ACBD5: variants seen among roughly 807,000 people sequenced by gnomAD.
ACBD5 encodes the protein acyl-CoA-binding domain-containing protein 5.
In ACBD5, 40 loss-of-function variants were observed where a neutral mutation model predicts 71.8. The observed-to-expected ratio is 0.56, with a 90% CI of 0.43 to 0.72. The LOEUF is 0.72. ACBD5 is among the 30% of genes least tolerant of loss of function. The probability of loss-of-function intolerance (pLI) is 0.00; values close to 1 mark genes in which losing one functional copy is unlikely to be tolerated. For missense variants in ACBD5, 559 were observed against 644.5 expected (o/e 0.87, Z 1.44); for synonymous variants, 229 against 218.6 (o/e 1.05, Z -0.42).
intron 4 of ACBD5, among the ~76,000 whole-genome samples, chr10:27,224,054 C>T (rs2062698920): frequency 6.6e-6 from 1 of 151,672 alleles, no homozygotes; most frequent in South Asian, 2.1e-4. Context: ...TATACAATAA[C>T]TTATAAATTG....
At chr10:27,231,416 C>T (rs1256593568) in intron 4 of ACBD5, among the ~76,000 whole-genome samples, 3 of 152,156 alleles carry the variant, frequency 2.0e-5, no homozygotes, top group African/African-American at 4.8e-5. Context: ...ACTCGGGAGG[C>T]TGTGGCAGGA....
chr10:27,240,974 C>G (rs1369990505), upstream of ACBD5: 1 of 588,668 alleles, frequency 1.7e-6, no homozygotes, highest in Non-Finnish European at 3.0e-6. The surrounding 1 kb of genome is among the most constrained non-coding windows in gnomAD (Gnocchi z 4.1). Flanking sequence ...AAGGGGGCCA[C>G]AGTCCCGGCT....
chr10:27,219,597 T>G (rs117437717), intron 6 of ACBD5, 126 bp downstream of exon 6: 1 of 1,323,576 alleles, frequency 7.6e-7, no homozygotes, highest in Non-Finnish European at 1.1e-6. Flanking sequence ...CAAACTTGTT[T>G]ATAAGGTCAA....
At chr10:27,199,515 A>G (rs547903559) in intron 12 of ACBD5, among the ~76,000 whole-genome samples, 1 of 152,176 alleles carries the variant, frequency 6.6e-6, no homozygotes, top group Non-Finnish European at 1.5e-5. Context: ...AGTCACAGGA[A>G]ACAACAGATA....
rs138431023 is a variant in ACBD5, at chr10:27,185,005, A to G, written c.1494-2290T>C. On this transcript the variant is annotated intron_variant, in intron 13 of 13. Coordinates refer to the ACBD5 transcript ENST00000676511. ...AGAGCTTCCAATGTAGCCATAAGCT[A>G]GAAGTCAATATGTTGTAGAGATGCA... Among the ~76,000 whole-genome samples, 549 of 152,348 alleles carry G rather than the reference A, an allele frequency of 3.6e-3. 4 individuals are homozygous for G. Among genetic ancestry groups the G allele is most frequent in the South Asian group, 0.024 (114 of 4,830 alleles).
At chr10:27,203,984 C>A (rs1311229821) in intron 12 of ACBD5, among the ~76,000 whole-genome samples, 1 of 151,110 alleles carries the variant, frequency 6.6e-6, no homozygotes, top group Non-Finnish European at 1.5e-5. Context: ...GCATATAAAC[C>A]GCACCCAGTG....
rs1036802845 is a variant in ACBD5, at chr10:27,223,083, T to C, written c.490+255A>G. The stretch of plus-strand genomic sequence containing the variant: ...GGGTTTATAATGTTTTGGAACTTCA[T>C]ATAATGTGTTTGCCTGGAATGAAAA... On this transcript the variant is annotated intron_variant, in intron 5 of 12. Transcript: ENST00000396271. 9.0e-6 allele frequency: 6 copies of C among 667,692 alleles called. No individual in the cohort carries two copies. The African/African-American group carries it at 9.1e-5, about 10-fold the overall frequency. 41.4% of individuals were successfully genotyped at this position (667,692 alleles called of 1,614,324 possible).
chr10:27,225,234 C>T (rs985020710), intron 4 of ACBD5, among the ~76,000 whole-genome samples: 3 of 152,070 alleles, frequency 2.0e-5, no homozygotes, highest in Admixed American at 6.6e-5. Flanking sequence ...TTGCCCACCT[C>T]GGCCTCCCAA....
chr10:27,197,467 T>C (rs2059470744), intron 12 of ACBD5, 25 bp from the exon 13 acceptor site: 1 of 1,581,530 alleles, frequency 6.3e-7, no homozygotes, highest in Non-Finnish European at 8.7e-7. Flanking sequence ...TAAAAACCAA[T>C]TTCCTGTGAG....
At chr10:27,199,196 C>CTTTTTT (rs370902574) in intron 12 of ACBD5, among the ~76,000 whole-genome samples, 1 of 146,612 alleles carries the variant, frequency 6.8e-6, no homozygotes. Context: ...ATCTTTTTTT[C>CTTTTTT]TTTTTTTTTT....
At chr10:27,233,366 C>T (rs1203823129) in intron 3 of ACBD5, among the ~76,000 whole-genome samples, 1 of 149,294 alleles carries the variant, frequency 6.7e-6, no homozygotes, top group Non-Finnish European at 1.5e-5. Context: ...GGCGGAGATT[C>T]AGTGAGCCAA....
chr10:27,216,365 TTC>T (rs2061629640), intron 7 of ACBD5, among the ~76,000 whole-genome samples: 1 of 152,210 alleles, frequency 6.6e-6, no homozygotes, highest in Non-Finnish European at 1.5e-5. Context: ...GGTCTCGAAC[TTC>T]TGACCTCAGG....
intron 7 of ACBD5, among the ~76,000 whole-genome samples, chr10:27,217,145 CAAAAAAAAA>C (rs375519969): frequency 1.2e-5 from 1 of 83,236 alleles, no homozygotes; most frequent in African/African-American, 5.3e-5. Flanking sequence ...GACTCTGTCT[CAAAAAAAAA>C]AAAAAAAAAG....
In ACBD5 at chr10:27,219,841, G is replaced by A; in HGVS notation, c.507C>T (p.Leu169=). The A allele has an allele frequency of 6.2e-7, 1 of 1,613,898 alleles. No homozygotes were observed. Among genetic ancestry groups the A allele is most frequent in the Non-Finnish European group, 8.5e-7 (1 of 1,179,946 alleles). The change falls in exon 6 of 13, where the codon CTC becomes CTT. Residue 169 remains leucine, a synonymous_variant. Transcript: ENST00000396271. ...CGGTTTTGGCGTTTGGAGTAGAAGT[G>A]AGAACATTACCAAGATCTAAAACAT... ...SDITSDLGNV[L]TSTPNAKTVN... is the part of the protein sequence containing the mutation.
At chr10:27,226,626 G>A (rs150334803) in intron 4 of ACBD5, among the ~76,000 whole-genome samples, 1,518 of 145,190 alleles carry the variant, frequency 0.01, 8 homozygotes, top group Non-Finnish European at 0.015. Context: ...ACACAAATTC[G>A]TAAACTTTCT....
At chr10:27,186,534 T>G in intron 13 of ACBD5, 1 of 1,613,936 alleles carries the variant, frequency 6.2e-7, no homozygotes, top group African/African-American at 1.3e-5. Flanking sequence ...ATTTAGTCTG[T>G]AGCACAAAAA....
intron 13 of ACBD5, among the ~76,000 whole-genome samples, chr10:27,185,534 G>A (rs1290806065): frequency 1.3e-5 from 2 of 150,842 alleles, no homozygotes; most frequent in Non-Finnish European, 2.9e-5. Flanking sequence ...TCAGGAGGAT[G>A]AGGTGGGAGA....
intron 13 of ACBD5, among the ~76,000 whole-genome samples, chr10:27,184,553 G>GTTT (rs2058535007): frequency 1.3e-5 from 1 of 74,912 alleles, no homozygotes. Flanking sequence ...ATATAAGAAG[G>GTTT]ATTTTTTTTT....
Position 27,208,342 on chromosome 10 carries a change from G to A in ACBD5, c.1308C>T (p.Leu436=), listed in dbSNP as rs1221445450. The A allele has an allele frequency of 4.3e-6, 7 of 1,614,064 alleles. No individual in the cohort carries two copies. Among genetic ancestry groups the A allele is most frequent in the African/African-American group, 2.7e-5 (2 of 74,914 alleles). ...TCAGCACGAGGGCGATCTGCTCATT[G>A]AGGCTGCCTCGGGACCCTCTGTCGG... ...WGSDRGSRGS[L]NEQIALVLMR... The change falls in exon 10 of 13, where the codon CTC becomes CTT. Residue 436 remains leucine, a synonymous_variant. Transcript: ENST00000396271.
Sources: gnomAD v4.1 joint callset for allele counts (sites outside exome capture counted in the v4.1 genomes callset) on GRCh38, gnomAD v4.1.1 for gene constraint, Gnocchi (gnomAD v3.1) non-coding constraint, MANE v1.5 for transcripts, NCBI Gene and HGNC (gene_info 2026-07-23, HGNC 2026-07-21) for gene names.